Variants in FHOD3 observed in about 807,000 individuals in gnomAD.
The protein encoded by FHOD3 is FH1/FH2 domain-containing protein 3.
A neutral mutation model predicts 173.0 loss-of-function variants in FHOD3; 90 were observed. That is an observed-to-expected ratio of 0.52 (90% confidence interval 0.44 to 0.62). The LOEUF (loss-of-function observed/expected upper bound fraction) is 0.62. FHOD3 is among the 20% of genes least tolerant of loss of function. The pLI is 0.00. For missense variants in FHOD3, 1,945 were observed against 2,034.7 expected (o/e 0.96, Z 0.85); for synonymous variants, 828 against 823.0 (o/e 1.01, Z -0.10).
chr18:36,604,407 T>C (rs2031821992), intron 8 of FHOD3, among the ~76,000 whole-genome samples: 1 of 152,216 alleles, frequency 6.6e-6, no homozygotes, highest in East Asian at 1.9e-4. Flanking sequence ...GTGCAGACTC[T>C]GAGGATTACA....
intron 3 of FHOD3, among the ~76,000 whole-genome samples, chr18:36,466,715 G>A (rs2052961688): frequency 6.6e-6 from 1 of 152,174 alleles, no homozygotes; most frequent in African/African-American, 2.4e-5. Flanking sequence ...GAATAAGAAT[G>A]GTGGTGAGAG....
At position 36,609,635 on chromosome 18, in the gene FHOD3, A is replaced by T. The variant is rs1372839787; in HGVS notation, c.814-2317A>T. Among the ~76,000 whole-genome samples, 6 of 137,844 alleles carry T rather than the reference A, an allele frequency of 4.4e-5. No individual in the cohort carries two copies. The East Asian group carries it at 1.3e-3, about 29-fold the overall frequency. 90.4% of individuals were successfully genotyped at this position (137,844 alleles called of 152,430 possible). Reference sequence around the variant, plus strand: ...TTTTTTTTTTTTTTTTTTGAGACAGAGTCTTGCTCTGTCGCCCAGGCTGGA... The same window carrying T: ...TTTTTTTTTTTTTTTTTTGAGACAGTGTCTTGCTCTGTCGCCCAGGCTGGA... On this transcript the variant is annotated intron_variant, in intron 8 of 28. Coordinates refer to ENST00000590592, the MANE Select transcript of FHOD3 (RefSeq NM_001281740.3).
chr18:36,468,026 C>T (rs368152862), intron 3 of FHOD3, among the ~76,000 whole-genome samples: 22 of 152,314 alleles, frequency 1.4e-4, no homozygotes, highest in African/African-American at 4.1e-4. Context: ...AGTTGGGTGG[C>T]CCCTGGGGTT....
At position 36,599,360 on chromosome 18, in the gene FHOD3, G is replaced by A. The variant is rs1235275087; in HGVS notation, c.719-3314G>A. 3.3e-5 allele frequency among the ~76,000 whole-genome samples: 5 copies of A among 152,100 alleles called. No homozygotes were observed. In the East Asian group the frequency reaches 5.8e-4, roughly 18 times the overall value. On this transcript the variant is annotated intron_variant, in intron 7 of 28. Coordinates refer to ENST00000590592, the MANE Select transcript of FHOD3 (RefSeq NM_001281740.3). ...TAAACATAAGAATTCCTGCTATCAC[G>A]CATGATTAGCAGGAAAAAAATTCAG...
intron 18 of FHOD3, chr18:36,711,505 A>G (rs2040170735): frequency 6.6e-6 from 1 of 152,176 alleles, no homozygotes; most frequent in African/African-American, 2.4e-5. Context: ...CTCCACTTGA[A>G]TGTCAGCTTT....
chr18:36,413,457 G>A (rs540728342), intron 3 of FHOD3, among the ~76,000 whole-genome samples: 1 of 152,178 alleles, frequency 6.6e-6, no homozygotes, highest in Non-Finnish European at 1.5e-5. Flanking sequence ...TGTGAGCTGA[G>A]GTCAGGCCTG....
chr18:36,515,581 T>G (rs1360711146), intron 5 of FHOD3, among the ~76,000 whole-genome samples: 9 of 152,170 alleles, frequency 5.9e-5, no homozygotes, highest in Admixed American at 5.9e-4. Context: ...TTCCCGAATG[T>G]TTAAGTCTCA....
intron 4 of FHOD3, among the ~76,000 whole-genome samples, chr18:36,507,072 C>T (rs1210859917): frequency 1.3e-5 from 2 of 152,058 alleles, no homozygotes; most frequent in African/African-American, 2.4e-5. Flanking sequence ...ACATGTTATG[C>T]TTTTTCATTG....
chr18:36,353,606 A>T (rs1365048563), intron 1 of FHOD3, among the ~76,000 whole-genome samples: 1 of 152,260 alleles, frequency 6.6e-6, no homozygotes, highest in Non-Finnish European at 1.5e-5. Context: ...CAGCAAGAAG[A>T]TGAATTGAGT....
intron 4 of FHOD3, among the ~76,000 whole-genome samples, chr18:36,510,208 A>G (rs1207641006): frequency 6.6e-6 from 1 of 152,250 alleles, no homozygotes; most frequent in Non-Finnish European, 1.5e-5. Context: ...ATATATGGCT[A>G]TTAGAGAAAA....
intron 17 of FHOD3, among the ~76,000 whole-genome samples, chr18:36,699,412 C>T (rs1339450274): frequency 6.6e-6 from 1 of 152,218 alleles, no homozygotes; most frequent in African/African-American, 2.4e-5. Context: ...CTGGGTGAGA[C>T]ATCTGCACCT....
intron 2 of FHOD3, among the ~76,000 whole-genome samples, chr18:36,371,750 A>G (rs2052715319): frequency 6.6e-6 from 1 of 152,078 alleles, no homozygotes; most frequent in Non-Finnish European, 1.5e-5. Context: ...CAACACAACC[A>G]CACACCAGGA....
At chr18:36,313,115 C>T (rs1340297045) in intron 1 of FHOD3, among the ~76,000 whole-genome samples, 1 of 152,128 alleles carries the variant, frequency 6.6e-6, no homozygotes, top group Non-Finnish European at 1.5e-5. Flanking sequence ...TGTGGCAGCT[C>T]CAGGCTCCAA....
chr18:36,356,503 T>G (rs1442927571), intron 2 of FHOD3, among the ~76,000 whole-genome samples: 2 of 152,174 alleles, frequency 1.3e-5, no homozygotes, highest in Non-Finnish European at 2.9e-5. Context: ...TTTATTTATT[T>G]ATTTATTTTT....
At chr18:36,513,760 G>A (rs1280591000) in intron 5 of FHOD3, among the ~76,000 whole-genome samples, 1 of 151,734 alleles carries the variant, frequency 6.6e-6, no homozygotes, top group Non-Finnish European at 1.5e-5. Context: ...CAGAGAGAAC[G>A]TAGGGCTCAT....
At chr18:36,731,557 T>C (rs2041359833) in intron 20 of FHOD3, among the ~76,000 whole-genome samples, 1 of 152,234 alleles carries the variant, frequency 6.6e-6, no homozygotes, top group Non-Finnish European at 1.5e-5. Flanking sequence ...GGGACACTGC[T>C]TTGTGGCATT....
chr18:36,345,081 C>T (rs2045817593), intron 1 of FHOD3, among the ~76,000 whole-genome samples: 1 of 152,164 alleles, frequency 6.6e-6, no homozygotes, highest in Non-Finnish European at 1.5e-5. Flanking sequence ...AGGTAAAGAG[C>T]AGTGAGGATA....
intron 3 of FHOD3, among the ~76,000 whole-genome samples, chr18:36,418,759 C>CA (rs1246116850): frequency 1.3e-5 from 2 of 151,884 alleles, no homozygotes; most frequent in Admixed American, 6.6e-5. Flanking sequence ...AATAAAAATA[C>CA]AAAAAATTAG....
chr18:36,350,603 A>G (rs2046077186), intron 1 of FHOD3, among the ~76,000 whole-genome samples: 1 of 152,138 alleles, frequency 6.6e-6, no homozygotes, highest in Non-Finnish European at 1.5e-5. Flanking sequence ...AGGTCCCTTA[A>G]GTCACTTGGG....
Sources: gnomAD v4.1 joint callset for allele counts (sites outside exome capture counted in the v4.1 genomes callset) on GRCh38, gnomAD v4.1.1 for gene constraint, MANE v1.5 for transcripts, NCBI Gene and HGNC (gene_info 2026-07-23, HGNC 2026-07-21) for gene names.